The following SCFD2 variants were observed in gnomAD, a reference collection of about 807,000 sequenced individuals.
SCFD2 encodes sec1 family domain containing 2.
Under a neutral mutation model 58.9 loss-of-function variants are expected in SCFD2, and 54 were observed. That is an observed-to-expected ratio of 0.92 (90% CI 0.74 to 1.15). The LOEUF is 1.15. Among genes scored for constraint, SCFD2 ranks in the 50% most tolerant of loss-of-function variants. SCFD2 has a pLI of 0.00. For synonymous variants in SCFD2, 321 were observed against 335.9 expected (o/e 0.96, Z 0.49); for missense variants, 805 against 836.6 (o/e 0.96, Z 0.47).
intron 2 of SCFD2, among the ~76,000 whole-genome samples, chr4:53,351,696 C>T (rs1026709006): frequency 6.6e-6 from 1 of 152,096 alleles, no homozygotes; most frequent in Non-Finnish European, 1.5e-5. Context: ...TGTAAACACA[C>T]CAAATGGACA....
At chr4:53,159,221 G>C (rs1726780203) in intron 4 of SCFD2, among the ~76,000 whole-genome samples, 1 of 152,160 alleles carries the variant, frequency 6.6e-6, no homozygotes, top group African/African-American at 2.4e-5. Flanking sequence ...TATAATTGTA[G>C]ATTATCTCAT....
chr4:53,019,079 A>C (rs1231550590), intron 5 of SCFD2, among the ~76,000 whole-genome samples: 1 of 152,188 alleles, frequency 6.6e-6, no homozygotes, highest in Non-Finnish European at 1.5e-5. Flanking sequence ...TGTTCAATAG[A>C]TATTAGGAGC....
rs544427016 is a variant in SCFD2, at chr4:53,192,319, G to A, written c.1312-46737C>T. Among the ~76,000 whole-genome samples the A allele has an allele frequency of 1.1e-4, 16 of 152,150 alleles. No individual in the cohort carries two copies. In the East Asian group the frequency reaches 1.7e-3, roughly 17 times the overall value. ...ATATAGTCTAGTACCTTTCCTTATC[G>A]TTTGTAAGCATGAACCCTTAACTCC... On this transcript the variant is annotated intron_variant, in intron 4 of 8. Transcript: ENST00000401642.
At chr4:53,156,389 G>C (rs1223841290) in intron 4 of SCFD2, among the ~76,000 whole-genome samples, 1 of 123,168 alleles carries the variant, frequency 8.1e-6, no homozygotes, top group Non-Finnish European at 1.6e-5. Context: ...GACAGAGTGA[G>C]ACTCAACTCA....
At chr4:53,121,268 T>C (rs559458474) in intron 5 of SCFD2, among the ~76,000 whole-genome samples, 22 of 152,218 alleles carry the variant, frequency 1.4e-4, no homozygotes, top group Middle Eastern at 3.4e-3. Flanking sequence ...TACAAGAGAA[T>C]GAAAGGGATT....
At chr4:52,986,369 A>G (rs1384012010) in intron 5 of SCFD2, among the ~76,000 whole-genome samples, 2 of 151,714 alleles carry the variant, frequency 1.3e-5, no homozygotes, top group Admixed American at 1.3e-4. Context: ...GTTCAAAATT[A>G]CTCTGAGCTT....
At chr4:53,249,749 C>G (rs542742365) in intron 4 of SCFD2, among the ~76,000 whole-genome samples, 1 of 152,134 alleles carries the variant, frequency 6.6e-6, no homozygotes, top group South Asian at 2.1e-4. Flanking sequence ...CAAGCAAATG[C>G]TGAGAGATTT....
At chr4:53,194,996 A>T (rs956487788) in intron 4 of SCFD2, among the ~76,000 whole-genome samples, 6 of 152,192 alleles carry the variant, frequency 3.9e-5, no homozygotes, top group Non-Finnish European at 5.9e-5. Context: ...GATGTCATGT[A>T]AAAACCCCAA....
At chr4:53,034,057 ATCC>A (rs1473723424) in intron 5 of SCFD2, among the ~76,000 whole-genome samples, 24 of 152,226 alleles carry the variant, frequency 1.6e-4, no homozygotes, top group African/African-American at 5.8e-4. Context: ...CGATGCGAAA[ATCC>A]TCAATAAAAT....
At chr4:53,142,390 A>T (rs1726195612) in intron 5 of SCFD2, among the ~76,000 whole-genome samples, 1 of 152,220 alleles carries the variant, frequency 6.6e-6, no homozygotes, top group African/African-American at 2.4e-5. Context: ...AATTCTTTTT[A>T]ACCAAATTTT....
At chr4:52,968,976 G>C (rs574519082) in intron 5 of SCFD2, among the ~76,000 whole-genome samples, 6 of 152,146 alleles carry the variant, frequency 3.9e-5, no homozygotes, top group African/African-American at 1.4e-4. Context: ...CATCAGTTTA[G>C]CAAGAACCGC....
chr4:53,252,020 G>A (rs1445738511), intron 4 of SCFD2, among the ~76,000 whole-genome samples: 27 of 152,184 alleles, frequency 1.8e-4, no homozygotes, highest in Middle Eastern at 3.4e-3. Context: ...TCAGCTGATA[G>A]GCAACTTCAG....
At chr4:53,212,764 G>T (rs1249386016) in intron 4 of SCFD2, among the ~76,000 whole-genome samples, 1 of 151,654 alleles carries the variant, frequency 6.6e-6, no homozygotes, top group East Asian at 1.9e-4. Context: ...TTTTTCTCTT[G>T]AGGTGATGGT....
chr4:53,338,692 T>C (rs1308672126), intron 2 of SCFD2, among the ~76,000 whole-genome samples: 1 of 148,360 alleles, frequency 6.7e-6, no homozygotes, highest in African/African-American at 2.5e-5. Flanking sequence ...GCCATTCTCC[T>C]GCCTCAGCCT....
At chr4:53,231,617 G>C (rs1433821975) in intron 4 of SCFD2, among the ~76,000 whole-genome samples, 1 of 152,030 alleles carries the variant, frequency 6.6e-6, no homozygotes, top group African/African-American at 2.4e-5. Flanking sequence ...ATTTAAATCA[G>C]GTGGGTGCCA....
chr4:53,047,790 T>G (rs1292009135), intron 5 of SCFD2, among the ~76,000 whole-genome samples: 1 of 152,210 alleles, frequency 6.6e-6, no homozygotes, highest in Non-Finnish European at 1.5e-5. Flanking sequence ...TTTGTTTTCC[T>G]TAGAGAAATG....
intron 4 of SCFD2, among the ~76,000 whole-genome samples, chr4:53,222,201 A>T (rs1205561774): frequency 1.3e-5 from 2 of 152,230 alleles, no homozygotes; most frequent in African/African-American, 4.8e-5. Flanking sequence ...AATTTTAATC[A>T]TGTTCTAAAA....
chr4:53,201,827 T>C (rs1728250098), intron 4 of SCFD2, among the ~76,000 whole-genome samples: 1 of 152,256 alleles, frequency 6.6e-6, no homozygotes, highest in African/African-American at 2.4e-5. Flanking sequence ...TGTCTTCTTC[T>C]GAGAAGTGTC....
intron 4 of SCFD2, among the ~76,000 whole-genome samples, chr4:53,205,543 C>A (rs1341645960): frequency 4.6e-5 from 7 of 152,086 alleles, no homozygotes; most frequent in African/African-American, 1.7e-4. Flanking sequence ...GAAACCCTTA[C>A]ACCAACATGA....
Sources: allele counts gnomAD v4.1 joint callset (sites outside exome capture counted in the v4.1 genomes callset), GRCh38; gene constraint gnomAD v4.1.1; transcripts MANE v1.5; gene names NCBI Gene and HGNC (gene_info 2026-07-23, HGNC 2026-07-21).